CDKAL1: variants seen among roughly 807,000 people sequenced by gnomAD.
The protein encoded by CDKAL1 is threonylcarbamoyladenosine tRNA methylthiotransferase.
Under a neutral mutation model 68.2 loss-of-function variants are expected in CDKAL1, and 32 were observed. The observed-to-expected ratio is 0.47, with a 90% CI of 0.35 to 0.63. The LOEUF is 0.63. CDKAL1 is among the 30% of genes least tolerant of loss of function. CDKAL1 has a pLI of 0.00. For missense variants in CDKAL1, 606 were observed against 696.7 expected, an observed-to-expected ratio of 0.87 and a Z score of 1.47; for synonymous variants, 234 against 244.3, an observed-to-expected ratio of 0.96 and a Z score of 0.39.
chr6:20,825,337 A>T lies in CDKAL1; in HGVS notation c.639-20738A>T, dbSNP rs182816119. Reference sequence around the variant, plus strand: ...ATTTTGAATTTGCCTTAGTAACCTGAAGTTTTTACAGTGGGTTCTGTTGAG... The same window carrying T: ...ATTTTGAATTTGCCTTAGTAACCTGTAGTTTTTACAGTGGGTTCTGTTGAG... On this transcript the variant is annotated intron_variant, in intron 8 of 15. Transcript: ENST00000274695. Among the ~76,000 whole-genome samples, 277 of 151,712 alleles carry T rather than the reference A, an allele frequency of 1.8e-3. 1 individual carries two copies. The highest frequency in any genetic ancestry group is 2.9e-3 in the Non-Finnish European group (200 of 67,874).
chr6:21,154,384 T>C lies in CDKAL1; in HGVS notation c.1300-43637T>C, dbSNP rs571916828. Among the ~76,000 whole-genome samples the C allele has an allele frequency of 2.6e-5, 4 of 152,354 alleles. No individual in the cohort carries two copies. The East Asian group carries it at 7.7e-4, about 29-fold the overall frequency. On this transcript the variant is annotated intron_variant, in intron 13 of 15. Coordinates refer to ENST00000274695, the MANE Select transcript of CDKAL1 (RefSeq NM_017774.3). The stretch of plus-strand genomic sequence containing the variant: ...TCTCCCTTAAATGGAAAATATTTTA[T>C]ACCCTAAACAAATTAACTAATGAGT...
chr6:21,065,121 A>G lies in CDKAL1; in HGVS notation c.1129A>G (p.Thr377Ala). 1 of 1,607,912 alleles carries G rather than the reference A, an allele frequency of 6.2e-7. No homozygotes were observed. The highest frequency in any genetic ancestry group is 8.5e-7 in the Non-Finnish European group (1 of 1,177,426). ...PGETDQDFQE[T>A]VKLVEEYKFP... is the part of the protein sequence containing the mutation. The stretch of plus-strand genomic sequence containing the variant: ...AGAAACAGATCAGGATTTTCAAGAA[A>G]CAGTGAAACTTGTTGAAGAGTACAA... The change falls in exon 12 of 16, where the codon ACA becomes GCA. Residue 377 changes from threonine to alanine, a missense_variant. Transcript: ENST00000274695.
chr6:20,702,749 G>A (rs1771426003), intron 5 of CDKAL1, among the ~76,000 whole-genome samples: 1 of 152,176 alleles, frequency 6.6e-6, no homozygotes, highest in Non-Finnish European at 1.5e-5. Flanking sequence ...ACACGATGGG[G>A]TGTGGCCGGC....
intron 13 of CDKAL1, 38 bp from the exon 14 acceptor site, chr6:21,197,983 C>A: frequency 7.4e-7 from 1 of 1,358,800 alleles, no homozygotes; most frequent in South Asian, 1.3e-5. Context: ...GGTGTTTACC[C>A]TTATCTTTCC....
At chr6:20,774,984 T>C (rs1046193670) in intron 7 of CDKAL1, among the ~76,000 whole-genome samples, 2 of 152,174 alleles carry the variant, frequency 1.3e-5, no homozygotes, top group Admixed American at 6.5e-5. Flanking sequence ...ATAAACCCAC[T>C]GAGACATATT....
chr6:20,648,052 G>A (rs142151778), intron 4 of CDKAL1, among the ~76,000 whole-genome samples: 2,377 of 147,826 alleles, frequency 0.016, 48 homozygotes, highest in African/African-American at 0.053. Flanking sequence ...TCCAGCCTGG[G>A]TGACAGAGCG....
At chr6:20,722,262 G>T (rs1772413542) in intron 5 of CDKAL1, 1 of 153,024 alleles carries the variant, frequency 6.5e-6, no homozygotes, top group Non-Finnish European at 1.4e-5. Flanking sequence ...TAAAAATGAG[G>T]GTTTTTTTTT....
intron 13 of CDKAL1, among the ~76,000 whole-genome samples, chr6:21,112,565 T>C (rs1774178360): frequency 6.6e-6 from 1 of 152,200 alleles, no homozygotes; most frequent in Admixed American, 6.5e-5. Flanking sequence ...AGAAGAAACA[T>C]TGTCATCTAG....
intron 4 of CDKAL1, among the ~76,000 whole-genome samples, chr6:20,550,520 ACCAGTTTT>A (rs1220612254): frequency 6.6e-6 from 1 of 151,996 alleles, no homozygotes; most frequent in African/African-American, 2.4e-5. Context: ...CTTGGAAGCA[ACCAGTTTT>A]CCAAGGAGTC....
At chr6:21,012,674 G>A (rs1172275022) in intron 11 of CDKAL1, among the ~76,000 whole-genome samples, 4 of 152,152 alleles carry the variant, frequency 2.6e-5, no homozygotes, top group African/African-American at 9.7e-5. Flanking sequence ...ACTGAAGGAC[G>A]GTCTTTAGTA....
intron 4 of CDKAL1, chr6:20,559,244 T>C (rs1764177640): frequency 1.3e-5 from 2 of 152,234 alleles, no homozygotes; most frequent in Non-Finnish European, 2.9e-5. Context: ...ATTTTTCTTA[T>C]GTTTGAGAGT....
intron 9 of CDKAL1, among the ~76,000 whole-genome samples, chr6:20,854,493 G>A (rs2150510718): frequency 6.6e-6 from 1 of 152,310 alleles, no homozygotes. Flanking sequence ...TTTAGAAAAG[G>A]TATGATAACA....
chr6:20,980,428 A>G (rs915027175), intron 10 of CDKAL1, among the ~76,000 whole-genome samples: 4 of 151,890 alleles, frequency 2.6e-5, no homozygotes, highest in Admixed American at 6.6e-5. Context: ...TAGTAGAGAC[A>G]GGGTTTCACC....
intron 13 of CDKAL1, among the ~76,000 whole-genome samples, chr6:21,111,520 A>G (rs973994632): frequency 2.6e-5 from 4 of 152,212 alleles, no homozygotes; most frequent in Non-Finnish European, 5.9e-5. Context: ...CCCCAGACAC[A>G]GGAAAGTCAC....
chr6:21,082,553 C>T (rs905192940), intron 12 of CDKAL1, among the ~76,000 whole-genome samples: 24 of 152,088 alleles, frequency 1.6e-4, no homozygotes, highest in South Asian at 1.0e-3. Flanking sequence ...AGTACTCATC[C>T]GATAAATTCA....
chr6:20,889,612 G>C (rs2150575900), intron 9 of CDKAL1, among the ~76,000 whole-genome samples: 1 of 152,270 alleles, frequency 6.6e-6, no homozygotes, highest in East Asian at 1.9e-4. Flanking sequence ...TTATTTAATA[G>C]GGAATCCTTT....
intron 13 of CDKAL1, among the ~76,000 whole-genome samples, chr6:21,117,290 T>TG (rs1774464537): frequency 2.9e-5 from 1 of 34,434 alleles, no homozygotes; most frequent in South Asian, 1.1e-3. Flanking sequence ...GATAAATTGT[T>TG]TTTTTTTTTT....
At chr6:20,576,990 A>G (rs1239759575) in intron 4 of CDKAL1, among the ~76,000 whole-genome samples, 6 of 152,088 alleles carry the variant, frequency 3.9e-5, no homozygotes, top group Non-Finnish European at 7.4e-5. Flanking sequence ...GTATTTAACA[A>G]TTTTTTTGTA....
chr6:20,781,120 G>A, intron 7 of CDKAL1, 25 bp from the exon 8 acceptor site: 1 of 1,605,016 alleles, frequency 6.2e-7, no homozygotes, highest in Non-Finnish European at 8.5e-7. Flanking sequence ...TCTTGCTAAT[G>A]TATATTTATG....
Sources: allele counts gnomAD v4.1 joint callset (sites outside exome capture counted in the v4.1 genomes callset), GRCh38; gene constraint gnomAD v4.1.1; transcripts MANE v1.5; gene names NCBI Gene and HGNC (gene_info 2026-07-23, HGNC 2026-07-21).